The following SCAPER variants were observed in gnomAD, a reference collection of about 807,000 sequenced individuals.
The protein encoded by SCAPER is S-phase cyclin A associated protein in the ER, also known as S phase cyclin A-associated protein in the endoplasmic reticulum.
Under a neutral mutation model 182.2 loss-of-function variants are expected in SCAPER, and 98 were observed. The observed-to-expected ratio is 0.54, with a 90% confidence interval of 0.46 to 0.64. SCAPER has a LOEUF of 0.64. SCAPER is among the 30% of genes least tolerant of loss of function. The pLI is 0.00. For synonymous variants in SCAPER, 605 were observed against 564.6 expected (o/e 1.07, Z -1.01); for missense variants, 1,432 against 1,690.0 (o/e 0.85, Z 2.68).
intron 22 of SCAPER, among the ~76,000 whole-genome samples, chr15:76,599,435 A>C (rs1192056770): frequency 8.2e-6 from 1 of 122,130 alleles, no homozygotes. Flanking sequence ...AGAAATGAAA[A>C]CTTATATCCA....
intron 15 of SCAPER, among the ~76,000 whole-genome samples, chr15:76,734,512 T>C (rs280030): frequency 0.15 from 23,410 of 152,220 alleles, 2,024 homozygotes; most frequent in African/African-American, 0.24. Context: ...CATGCCATGA[T>C]ACCACTTTCA....
At chr15:76,479,370 A>T (rs1351593760) in intron 24 of SCAPER, among the ~76,000 whole-genome samples, 1 of 152,220 alleles carries the variant, frequency 6.6e-6, no homozygotes, top group Non-Finnish European at 1.5e-5. Context: ...AACATCAAAC[A>T]GAAAGCACCA....
chr15:76,776,479 C>T (rs1018418926), intron 8 of SCAPER, among the ~76,000 whole-genome samples: 8 of 152,138 alleles, frequency 5.3e-5, no homozygotes, highest in African/African-American at 1.9e-4. Flanking sequence ...TAGCTCTCAC[C>T]CTCACCCAGT....
intron 20 of SCAPER, among the ~76,000 whole-genome samples, chr15:76,687,969 T>C (rs183711234): frequency 2.6e-4 from 39 of 152,306 alleles, no homozygotes; most frequent in African/African-American, 6.3e-4. Context: ...AATGGGATGG[T>C]TGGGTCAAAT....
chr15:76,388,010 G>A (rs115996525), intron 27 of SCAPER, among the ~76,000 whole-genome samples: 4,518 of 152,254 alleles, frequency 0.03, 211 homozygotes, highest in African/African-American at 0.098. Context: ...TACACAACAA[G>A]GAAGGTTTAG....
At chr15:76,581,682 G>C (rs1007470154) in intron 22 of SCAPER, among the ~76,000 whole-genome samples, 5 of 152,140 alleles carry the variant, frequency 3.3e-5, no homozygotes, top group African/African-American at 1.2e-4. Context: ...TGCCTCCCAA[G>C]TTCAAGCCAT....
intron 1 of SCAPER, among the ~76,000 whole-genome samples, chr15:76,884,571 G>A (rs1245938175): frequency 2.6e-5 from 4 of 152,160 alleles, no homozygotes; most frequent in Non-Finnish European, 4.4e-5. Flanking sequence ...TGAAGAGTCA[G>A]TGAACAAAGA....
At chr15:76,556,811 T>C (rs902606462) in intron 23 of SCAPER, among the ~76,000 whole-genome samples, 1 of 151,854 alleles carries the variant, frequency 6.6e-6, no homozygotes, top group African/African-American at 2.4e-5. Context: ...AGAGAGGAAG[T>C]CAAATTATCT....
chr15:76,667,785 T>C (rs1433860085), intron 20 of SCAPER, among the ~76,000 whole-genome samples: 2 of 151,812 alleles, frequency 1.3e-5, no homozygotes, highest in Non-Finnish European at 2.9e-5. Context: ...GAATCCCGTC[T>C]CTACTAAAAA....
intron 24 of SCAPER, among the ~76,000 whole-genome samples, chr15:76,482,374 A>C (rs140737486): frequency 6.6e-6 from 1 of 152,330 alleles, no homozygotes; most frequent in East Asian, 1.9e-4. Context: ...ATATCACTAA[A>C]AACTCATGAA....
At chr15:76,818,381 T>C (rs2067249858) in intron 5 of SCAPER, among the ~76,000 whole-genome samples, 1 of 152,190 alleles carries the variant, frequency 6.6e-6, no homozygotes, top group Non-Finnish European at 1.5e-5. Flanking sequence ...CTAGATGGTC[T>C]TGGATGCAAC....
At chr15:76,378,494 G>A (rs1234261810) in intron 28 of SCAPER, among the ~76,000 whole-genome samples, 4 of 152,092 alleles carry the variant, frequency 2.6e-5, no homozygotes, top group Admixed American at 2.6e-4. Context: ...TAGTTTTCTG[G>A]AAAACTCATC....
At chr15:76,494,576 T>A (rs908728205) in intron 24 of SCAPER, among the ~76,000 whole-genome samples, 1 of 152,220 alleles carries the variant, frequency 6.6e-6, no homozygotes, top group African/African-American at 2.4e-5. Context: ...GTGAAAGTTT[T>A]ATGTTCATAA....
intron 1 of SCAPER, among the ~76,000 whole-genome samples, chr15:76,903,936 C>G (rs1317691086): frequency 2.6e-5 from 4 of 152,172 alleles, no homozygotes; most frequent in African/African-American, 9.7e-5. Flanking sequence ...GATTCAAACT[C>G]AAAACAGTCT....
chr15:76,821,309 C>T (rs1244138550), intron 5 of SCAPER, among the ~76,000 whole-genome samples: 2 of 152,200 alleles, frequency 1.3e-5, no homozygotes, highest in African/African-American at 4.8e-5. Flanking sequence ...GAAGAATGAT[C>T]TATCAAAGTA....
intron 27 of SCAPER, among the ~76,000 whole-genome samples, chr15:76,401,625 TA>T (rs2044464239): frequency 6.6e-6 from 1 of 152,184 alleles, no homozygotes; most frequent in South Asian, 2.1e-4. Flanking sequence ...AACTAACATT[TA>T]TGGAGCTCAT....
At chr15:76,701,161 C>A (rs762831868) in intron 20 of SCAPER, among the ~76,000 whole-genome samples, 3 of 150,958 alleles carry the variant, frequency 2.0e-5, no homozygotes, top group Admixed American at 6.6e-5. Context: ...AAAGAACCCA[C>A]AATAACTTTT....
At chr15:76,541,916 A>G (rs1455238328) in intron 23 of SCAPER, among the ~76,000 whole-genome samples, 2 of 152,256 alleles carry the variant, frequency 1.3e-5, no homozygotes, top group African/African-American at 2.4e-5. Context: ...AACAAAATAA[A>G]TTGATTTGAA....
intron 24 of SCAPER, among the ~76,000 whole-genome samples, chr15:76,479,355 G>A (rs762994568): frequency 1.3e-4 from 20 of 152,132 alleles, no homozygotes; most frequent in South Asian, 4.1e-4. Context: ...CTAGAAGCAC[G>A]TTTTAACATC....
Sources: gnomAD v4.1 joint callset for allele counts (sites outside exome capture counted in the v4.1 genomes callset) on GRCh38, gnomAD v4.1.1 for gene constraint, MANE v1.5 for transcripts, NCBI Gene and HGNC (gene_info 2026-07-23, HGNC 2026-07-21) for gene names.